DCTD: variants seen among roughly 807,000 people sequenced by gnomAD.
DCTD encodes deoxycytidylate deaminase.
In DCTD, 23 loss-of-function variants were observed where a neutral mutation model predicts 21.0. The ratio of observed to expected loss-of-function variants is 1.09; its 90% CI spans 0.79 to 1.55. The LOEUF (loss-of-function observed/expected upper bound fraction) is 1.55. Ranked by LOEUF, DCTD falls within the 40% of genes most tolerant of loss-of-function variation. The pLI is 0.00. For synonymous variants in DCTD, 71 were observed against 81.1 expected, an observed-to-expected ratio of 0.88 and a Z score of 0.67; for missense variants, 224 against 230.0, an observed-to-expected ratio of 0.97 and a Z score of 0.17.
intron 3 of DCTD, among the ~76,000 whole-genome samples, chr4:182,896,870 G>A (rs1734825397): frequency 6.6e-6 from 1 of 152,196 alleles, no homozygotes; most frequent in African/African-American, 2.4e-5. Flanking sequence ...ATGAATAAAG[G>A]AGGAAATGCA....
At chr4:182,915,968 A>T in intron 1 of DCTD, 1 of 792,574 alleles carries the variant, frequency 1.3e-6, no homozygotes, top group Non-Finnish European at 1.6e-6. Flanking sequence ...AGACATTGTT[A>T]AAGTTTATAC....
intron 4 of DCTD, among the ~76,000 whole-genome samples, chr4:182,893,752 G>A (rs1332906524): frequency 1.3e-5 from 2 of 152,262 alleles, no homozygotes; most frequent in Non-Finnish European, 2.9e-5. Flanking sequence ...ACCGCGAGGA[G>A]AGCTTCCCAG....
intron 3 of DCTD, among the ~76,000 whole-genome samples, chr4:182,905,474 A>G (rs972444007): frequency 2.0e-5 from 3 of 151,840 alleles, no homozygotes; most frequent in Admixed American, 6.6e-5. Flanking sequence ...GACTACAGGC[A>G]CGCACCAACA....
At position 182,893,047 on chromosome 4, in the gene DCTD, C is replaced by T; in HGVS notation, c.442G>A (p.Ala148Thr). 1 of 1,611,276 alleles carries T rather than the reference C, an allele frequency of 6.2e-7. No homozygotes were observed. ...ATAARLLFNM[A>T]GVTFRKFIPK... ...CCCACTTACCGGAATGTCACCCCGG[C>T]CATATTAAACAGGAGCCTCGCAGCA... Residue 148 changes from alanine to threonine, a missense_variant, in exon 5 of 6, where the codon GCC becomes ACC. Coordinates refer to ENST00000438320, the MANE Select transcript of DCTD (RefSeq NM_001921.3).
intron 3 of DCTD, among the ~76,000 whole-genome samples, chr4:182,913,561 G>A (rs185671534): frequency 1.1e-4 from 16 of 152,322 alleles, no homozygotes; most frequent in African/African-American, 3.8e-4. Flanking sequence ...GATTCTTCAT[G>A]AGAAAAACCC....
At chr4:182,908,394 A>G (rs528339620) in intron 3 of DCTD, among the ~76,000 whole-genome samples, 1 of 152,292 alleles carries the variant, frequency 6.6e-6, no homozygotes, top group African/African-American at 2.4e-5. Flanking sequence ...AAAGAAATAA[A>G]GAAGTGGCCG....
chr4:182,907,286 C>T (rs573763590), intron 3 of DCTD, among the ~76,000 whole-genome samples: 12 of 152,256 alleles, frequency 7.9e-5, no homozygotes, highest in African/African-American at 1.7e-4. Flanking sequence ...TACAGCTGCA[C>T]GCCACAACAC....
In DCTD at chr4:182,894,480, G is replaced by C. The variant is rs760280469; in HGVS notation, c.361+9C>G. ...GCAAATGTGACAAATGGAAAGACCC[G>C]GTTCCTACCTGCCTGGATGATGAGC... is the stretch of plus-strand genomic sequence containing the variant. On this transcript the variant is annotated intron_variant, in intron 4 of 5. Transcript: ENST00000438320. 4 of 1,557,332 alleles carry C rather than the reference G, an allele frequency of 2.6e-6. No homozygotes were observed. Among genetic ancestry groups the C allele is most frequent in the South Asian group, 1.1e-5 (1 of 89,800 alleles).
At chr4:182,894,739 C>T in intron 3 of DCTD, 134 bp from the exon 4 acceptor site, 3 of 689,584 alleles carry the variant, frequency 4.4e-6, no homozygotes, top group South Asian at 1.7e-5. Flanking sequence ...TTAGAAATGG[C>T]AAGTCCTAAG....
intron 1 of DCTD, chr4:182,915,988 C>T (rs1579796181): frequency 1.8e-6 from 1 of 559,798 alleles, no homozygotes; most frequent in Non-Finnish European, 2.3e-6. Flanking sequence ...CACATCATGT[C>T]ACTCAAGCCT....
In DCTD at chr4:182,914,960, C is replaced by T. The variant is rs1361176530; in HGVS notation, c.207G>A (p.Arg69=). 1 of 1,614,072 alleles carries T rather than the reference C, an allele frequency of 6.2e-7. No individual in the cohort carries two copies. Among genetic ancestry groups the T allele is most frequent in the Non-Finnish European group, 8.5e-7 (1 of 1,180,032 alleles). ...GCSDDVLPWR[R]TAENKLDTKY... ...TGGTGTCCAGCTTATTCTCTGCTGTCCTTCTCCAAGGCAACACGTCATCAC... is the reference window on the plus strand; with the variant it reads ...TGGTGTCCAGCTTATTCTCTGCTGTTCTTCTCCAAGGCAACACGTCATCAC... Residue 69 remains arginine (R), a synonymous_variant, in exon 3 of 6, where the codon AGG becomes AGA. Transcript: ENST00000438320.
chr4:182,911,396 A>C (rs1238673942), intron 3 of DCTD: 4 of 152,208 alleles, frequency 2.6e-5, no homozygotes, highest in Admixed American at 2.6e-4. Context: ...GAAATGTTAC[A>C]GTGAGCCACG....
Position 182,891,208 on chromosome 4 carries a change from A to C in DCTD, c.*191T>G, listed in dbSNP as rs1733682079. The C allele has an allele frequency of 1.8e-6, 1 of 550,630 alleles. No individual in the cohort carries two copies. Among genetic ancestry groups the C allele is most frequent in the Non-Finnish European group, 3.2e-6 (1 of 309,008 alleles). 34.1% of individuals were successfully genotyped at this position (550,630 alleles called of 1,614,324 possible). ...CTCCCCTATTTTAAACCCTAAAGCA[A>C]TAGTTCAAACACATGTAGATTCCAT... On this transcript the variant is annotated 3_prime_UTR_variant, in exon 6 of 6. Transcript: ENST00000438320.
chr4:182,901,354 GT>G (rs1399432868), intron 3 of DCTD, among the ~76,000 whole-genome samples: 1 of 152,192 alleles, frequency 6.6e-6, no homozygotes, highest in African/African-American at 2.4e-5. Flanking sequence ...TCTAGTTCTA[GT>G]TCTGAACTCT....
At chr4:182,907,757 G>A (rs62337933) in intron 3 of DCTD, among the ~76,000 whole-genome samples, 1 of 152,132 alleles carries the variant, frequency 6.6e-6, no homozygotes, top group Non-Finnish European at 1.5e-5. Context: ...CTAATCTAAT[G>A]CCATCAAAGC....
chr4:182,915,893 CA>C, intron 1 of DCTD: 1 of 1,115,036 alleles, frequency 9.0e-7, no homozygotes, highest in Admixed American at 4.4e-5. Context: ...GTCTCCCTTA[CA>C]AAGCGGAGTC....
intron 3 of DCTD, among the ~76,000 whole-genome samples, chr4:182,905,177 G>T (rs1736446585): frequency 1.3e-5 from 2 of 152,024 alleles, no homozygotes; most frequent in African/African-American, 4.8e-5. Flanking sequence ...GCTCCAATGT[G>T]GCTTGCAACC....
At chr4:182,915,310 AAG>A in intron 2 of DCTD, 149 bp downstream of exon 2, 1 of 697,218 alleles carries the variant, frequency 1.4e-6, no homozygotes, top group South Asian at 1.8e-5. Flanking sequence ...GTCTCACAGG[AAG>A]AACTAAGCTT....
chr4:182,917,004 G>A lies in DCTD; in HGVS notation c.-8+307C>T, dbSNP rs1352015832. 6.1e-6 allele frequency: 6 copies of A among 989,934 alleles called. No individual in the cohort carries two copies. Among genetic ancestry groups the A allele is most frequent in the Non-Finnish European group, 6.0e-6 (5 of 832,560 alleles). The allele number at this position is 989,934 out of a possible 1,614,324, so 61.3% of individuals were successfully genotyped here. ...CGGCATTCCCAACCCACACACGGGC[G>A]CAGGAAGGGATGTGGTGTTCAGACG... On this transcript the variant is annotated intron_variant, in intron 1 of 5. Coordinates refer to ENST00000438320, the MANE Select transcript of DCTD (RefSeq NM_001921.3). This position sits in a 1 kb window ranked among gnomAD's most constrained non-coding sequence, Gnocchi z 4.9.
Sources: allele counts gnomAD v4.1 joint callset (sites outside exome capture counted in the v4.1 genomes callset), GRCh38; gene constraint gnomAD v4.1.1; non-coding constraint Gnocchi (gnomAD v3.1); transcripts MANE v1.5; gene names NCBI Gene and HGNC (gene_info 2026-07-23, HGNC 2026-07-21).